Variants in CALN1 observed in about 807,000 individuals in gnomAD.
CALN1 encodes the protein calneuron 1, also known as calcium-binding protein 8.
Under a neutral mutation model 30.6 loss-of-function variants are expected in CALN1, and 17 were observed. The observed-to-expected ratio is 0.56, with a 90% CI of 0.38 to 0.83. The LOEUF is 0.83. CALN1 is among the 40% of genes least tolerant of loss of function. The pLI, the probability that CALN1 is intolerant of heterozygous loss-of-function variation, is 0.00. For missense variants in CALN1, 291 were observed against 354.9 expected, an observed-to-expected ratio of 0.82 and a Z score of 1.45; for synonymous variants, 156 against 131.4, an observed-to-expected ratio of 1.19 and a Z score of -1.28.
At chr7:72,134,848 G>A (rs1045184276) in intron 3 of CALN1, among the ~76,000 whole-genome samples, 1 of 152,178 alleles carries the variant, frequency 6.6e-6, no homozygotes, top group Admixed American at 6.5e-5. Flanking sequence ...ACCCACAGTA[G>A]AACTTATTTC....
upstream of CALN1, among the ~76,000 whole-genome samples, chr7:72,448,783 T>G (rs376483160): frequency 6.6e-6 from 1 of 152,064 alleles, no homozygotes; most frequent in Non-Finnish European, 1.5e-5. Context: ...TTTTTTGTAT[T>G]TTTAGTAGAG....
chr7:71,932,368 T>A (rs1795598977), intron 5 of CALN1, among the ~76,000 whole-genome samples: 1 of 152,020 alleles, frequency 6.6e-6, no homozygotes, highest in South Asian at 2.1e-4. Flanking sequence ...GGTCTCACTA[T>A]GTTGTCTAGG....
chr7:72,186,915 A>T, intron 3 of CALN1, among the ~76,000 whole-genome samples: 1 of 127,398 alleles, frequency 7.8e-6, no homozygotes, highest in Non-Finnish European at 1.6e-5. Flanking sequence ...TTTTTGATAG[A>T]ATGATTTCTT....
chr7:72,070,682 A>G (rs1441381699), intron 4 of CALN1, among the ~76,000 whole-genome samples: 1 of 152,220 alleles, frequency 6.6e-6, no homozygotes, highest in East Asian at 1.9e-4. Context: ...ACCACAAGGT[A>G]TTAATTTCCA....
At chr7:72,446,379 C>T (rs962296197) in intron 1 of CALN1, among the ~76,000 whole-genome samples, 14 of 152,288 alleles carry the variant, frequency 9.2e-5, no homozygotes, top group African/African-American at 3.1e-4. Context: ...AACTCTTTGC[C>T]ACAGAACCTG....
At chr7:71,817,538 C>T (rs573026331) in intron 5 of CALN1, among the ~76,000 whole-genome samples, 47 of 152,228 alleles carry the variant, frequency 3.1e-4, no homozygotes, top group African/African-American at 6.3e-4. Context: ...TTTTTTGAGA[C>T]GGAGTCTCGC....
intron 2 of CALN1, among the ~76,000 whole-genome samples, chr7:72,387,451 T>G (rs970961349): frequency 1.3e-5 from 2 of 152,114 alleles, no homozygotes; most frequent in African/African-American, 4.8e-5. Flanking sequence ...GGAAAAGTTG[T>G]AACTTCACGG....
Position 72,297,287 on chromosome 7 carries a change from A to G in CALN1, c.120-18477T>C, listed in dbSNP as rs536790494. On this transcript the variant is annotated intron_variant, in intron 2 of 6. Transcript: ENST00000395275. The stretch of plus-strand genomic sequence containing the variant: ...TCAATGCTAACTTCTTAGTTAAAAA[A>G]TAACAACAAAATAAATTAAGAAAAT... Among the ~76,000 whole-genome samples the G allele has an allele frequency of 6.0e-4, 91 of 152,274 alleles. 2 individuals carry two copies. The South Asian group carries it at 0.015, about 25-fold the overall frequency.
intron 4 of CALN1, among the ~76,000 whole-genome samples, chr7:72,095,848 A>G (rs1806178873): frequency 6.6e-6 from 1 of 152,164 alleles, no homozygotes; most frequent in Non-Finnish European, 1.5e-5. Context: ...CCTGGGCAAC[A>G]TAGCAAAACT....
At chr7:72,110,643 C>A (rs1297818946) in intron 3 of CALN1, among the ~76,000 whole-genome samples, 5 of 146,624 alleles carry the variant, frequency 3.4e-5, no homozygotes, top group African/African-American at 1.3e-4. Flanking sequence ...CAGAAGCAGA[C>A]AAACCTCACT....
In CALN1 at chr7:72,142,078, A is replaced by G. The variant is rs569258058; in HGVS notation, c.245-35784T>C. ...GAAGACAGGTGATTTCTGCATTTCC[A>G]ACTGAGGTACCGGGTTCATCTCACT... On this transcript the variant is annotated intron_variant, in intron 3 of 6. Transcript: ENST00000395275. Among the ~76,000 whole-genome samples the G allele has an allele frequency of 1.4e-4, 22 of 152,270 alleles. No individual in the cohort carries two copies. In the East Asian group the frequency reaches 4.2e-3, roughly 29 times the overall value.
At position 71,972,902 on chromosome 7, in the gene CALN1, G is replaced by A. The variant is rs912542858; in HGVS notation, c.501+50755C>T. Among the ~76,000 whole-genome samples the A allele has an allele frequency of 2.0e-5, 3 of 152,222 alleles. No individual in the cohort carries two copies. The South Asian group carries it at 6.2e-4, about 32-fold the overall frequency. ...TTTTGTTTGTTCCCCATATTTTGCA[G>A]CTTGGAACAGTCACCTGATGTTCAC... On this transcript the variant is annotated intron_variant, in intron 5 of 6. Transcript: ENST00000395275.
At position 72,247,422 on chromosome 7, in the gene CALN1, T is replaced by C. The variant is rs552349911; in HGVS notation, c.244+31264A>G. The stretch of plus-strand genomic sequence containing the variant: ...GCCACCACGCCCAACTAATTTTTTG[T>C]ATTTTTAGTAGAGACGGGTTTCACC... On this transcript the variant is annotated intron_variant, in intron 3 of 6. Transcript: ENST00000395275. 7.2e-5 allele frequency among the ~76,000 whole-genome samples: 11 copies of C among 151,792 alleles called. No homozygotes were observed. The South Asian group carries it at 1.3e-3, about 17-fold the overall frequency.
chr7:71,805,918 T>G (rs1787580575), intron 6 of CALN1, among the ~76,000 whole-genome samples: 1 of 152,110 alleles, frequency 6.6e-6, no homozygotes, highest in Admixed American at 6.5e-5. Context: ...TAAAAAGGAA[T>G]GAGATTATGT....
chr7:72,410,837 T>C (rs867057939), intron 1 of CALN1, among the ~76,000 whole-genome samples: 5 of 152,204 alleles, frequency 3.3e-5, no homozygotes, highest in Non-Finnish European at 5.9e-5. Context: ...CTAGAAACTT[T>C]ATTGCTAAAA....
At position 72,320,048 on chromosome 7, in the gene CALN1, G is replaced by T. The variant is rs1476910724; in HGVS notation, c.120-41238C>A. On this transcript the variant is annotated intron_variant, in intron 2 of 6. Coordinates refer to ENST00000395275, the MANE Select transcript of CALN1 (RefSeq NM_031468.4). ...AGACAGGAGAATCACTTGAACCCAG[G>T]AGGCAGAGGCTGCAGTGAGCTGAGA... 1.3e-5 allele frequency among the ~76,000 whole-genome samples: 2 copies of T among 152,134 alleles called. 1 individual carries two copies.
chr7:72,079,891 C>A (rs1361782295), intron 4 of CALN1, among the ~76,000 whole-genome samples: 1 of 151,622 alleles, frequency 6.6e-6, no homozygotes, highest in Non-Finnish European at 1.5e-5. Flanking sequence ...CTGCCTCAGC[C>A]TCCCGAGTAG....
chr7:72,091,269 A>G (rs1272045785), intron 4 of CALN1, among the ~76,000 whole-genome samples: 2 of 152,188 alleles, frequency 1.3e-5, no homozygotes, highest in African/African-American at 4.8e-5. Context: ...AGGCAAAGGT[A>G]GCAGTGAGTC....
chr7:72,139,251 C>G (rs10260767), intron 3 of CALN1, among the ~76,000 whole-genome samples: 35,692 of 152,084 alleles, frequency 0.23, 5,175 homozygotes, highest in East Asian at 0.67. Context: ...ACACCTTCTT[C>G]TAAGCACCTC....
Sources: gnomAD v4.1 joint callset for allele counts (sites outside exome capture counted in the v4.1 genomes callset) on GRCh38, gnomAD v4.1.1 for gene constraint, MANE v1.5 for transcripts, NCBI Gene and HGNC (gene_info 2026-07-23, HGNC 2026-07-21) for gene names.